The following CEP63 variants were observed in gnomAD, a reference collection of about 807,000 sequenced individuals.
The protein encoded by CEP63 is centrosomal protein of 63 kDa.
CEP63 carries 84 observed loss-of-function variants against 89.1 expected under a neutral mutation model. The ratio of observed to expected loss-of-function variants is 0.94; its 90% confidence interval spans 0.79 to 1.13. The LOEUF (loss-of-function observed/expected upper bound fraction) is 1.13. CEP63 is among the 50% of genes most tolerant of loss of function. The pLI, the probability that CEP63 is intolerant of heterozygous loss-of-function variation, is 0.00. For missense variants in CEP63, 838 were observed against 813.3 expected, an observed-to-expected ratio of 1.03 and a Z score of -0.37; for synonymous variants, 267 against 272.5, an observed-to-expected ratio of 0.98 and a Z score of 0.20.
At chr3:134,734,902 T>C in the CEP63 span, among the ~76,000 whole-genome samples, 1 of 152,182 alleles carries the variant, frequency 6.6e-6, no homozygotes, top group Non-Finnish European at 1.5e-5. Context: ...TCATCAACAT[T>C]GAAAACCTGC....
chr3:134,538,048 G>A (rs976556361), intron 6 of CEP63, among the ~76,000 whole-genome samples: 5 of 152,052 alleles, frequency 3.3e-5, no homozygotes, highest in African/African-American at 1.2e-4. Context: ...AAAAAAATTT[G>A]TGATCATCTG....
chr3:134,651,297 A>G, the CEP63 span: 1 of 1,186,616 alleles, frequency 8.4e-7, no homozygotes, highest in South Asian at 1.6e-5. Context: ...CGCCCGGTGC[A>G]CTTGAAGCGC....
chr3:134,547,627 T>TTTTTTTTTTTTTTTTTTTTTTTTC (rs1953790874), intron 9 of CEP63, among the ~76,000 whole-genome samples, 155 bp downstream of exon 9: 1 of 124,796 alleles, frequency 8.0e-6, no homozygotes, highest in African/African-American at 3.0e-5. Context: ...TTTTTTTTTT[T>TTTTTTTTTTTTTTTTTTTTTTTTC]TTGAGACGGA....
At chr3:134,521,156 G>A (rs377650603) in intron 3 of CEP63, among the ~76,000 whole-genome samples, 2 of 152,050 alleles carry the variant, frequency 1.3e-5, no homozygotes, top group African/African-American at 2.4e-5. Flanking sequence ...AATGACCAGC[G>A]AGCATGTGAA....
chr3:134,487,068 G>A (rs1935800963), intron 1 of CEP63, among the ~76,000 whole-genome samples: 1 of 152,130 alleles, frequency 6.6e-6, no homozygotes, highest in Non-Finnish European at 1.5e-5. Context: ...CCTTATGTCT[G>A]GTTAAACTTA....
intron 12 of CEP63, among the ~76,000 whole-genome samples, chr3:134,556,633 T>G (rs1956244339): frequency 6.6e-6 from 1 of 152,176 alleles, no homozygotes; most frequent in Non-Finnish European, 1.5e-5. Flanking sequence ...TGATTATCTG[T>G]TCATATTTAA....
intron 3 of CEP63, among the ~76,000 whole-genome samples, chr3:134,525,181 A>G (rs1416246799): frequency 6.6e-6 from 1 of 152,120 alleles, no homozygotes; most frequent in African/African-American, 2.4e-5. Flanking sequence ...AGGTGTTTAT[A>G]GTATTCTCTG....
chr3:134,764,949 T>TA, the CEP63 span, among the ~76,000 whole-genome samples: 1 of 152,208 alleles, frequency 6.6e-6, no homozygotes, highest in Non-Finnish European at 1.5e-5. Flanking sequence ...CAGAATCCTT[T>TA]AACGTTTTCA....
chr3:134,672,203 C>T, the CEP63 span, among the ~76,000 whole-genome samples: 1 of 152,194 alleles, frequency 6.6e-6, no homozygotes, highest in African/African-American at 2.4e-5. Context: ...TGTGTCACCT[C>T]TCTGAGTTTT....
chr3:134,565,118 T>A (rs1190491123), downstream of CEP63: 1 of 230,544 alleles, frequency 4.3e-6, no homozygotes, highest in Non-Finnish European at 7.2e-6. Flanking sequence ...GGATTTGTAG[T>A]CTACATCTGG....
the CEP63 span, among the ~76,000 whole-genome samples, chr3:134,636,872 A>G: frequency 6.6e-6 from 1 of 152,192 alleles, no homozygotes; most frequent in Non-Finnish European, 1.5e-5. Flanking sequence ...GCCTATACTT[A>G]GTTACCATTT....
At chr3:134,658,480 G>A in the CEP63 span, among the ~76,000 whole-genome samples, 1 of 152,188 alleles carries the variant, frequency 6.6e-6, no homozygotes, top group South Asian at 2.1e-4. Flanking sequence ...GGGCCAGGGG[G>A]CCAGGTCATG....
At chr3:134,538,566 T>TATATATATATATATATATGTATA (rs1407833955) in intron 6 of CEP63, among the ~76,000 whole-genome samples, 1 of 144,044 alleles carries the variant, frequency 6.9e-6, no homozygotes. Context: ...TATATATATA[T>TATATATATATATATATATGTATA]TTTTTTAACA....
At chr3:134,740,806 C>T in the CEP63 span, among the ~76,000 whole-genome samples, 22 of 152,152 alleles carry the variant, frequency 1.4e-4, no homozygotes, top group African/African-American at 4.1e-4. Context: ...CCTAAAGCAA[C>T]GAGGGCCGAC....
At chr3:134,645,024 G>A in the CEP63 span, among the ~76,000 whole-genome samples, 5 of 152,376 alleles carry the variant, frequency 3.3e-5, no homozygotes, top group Non-Finnish European at 7.3e-5. Context: ...GAGGAAACAA[G>A]ATCCGGGAAG....
At chr3:134,673,143 T>G in the CEP63 span, among the ~76,000 whole-genome samples, 24 of 152,190 alleles carry the variant, frequency 1.6e-4, no homozygotes, top group African/African-American at 5.5e-4. Flanking sequence ...ATTTTGTGCC[T>G]TTGTTCATAC....
At chr3:134,633,944 T>C in the CEP63 span, among the ~76,000 whole-genome samples, 6 of 152,232 alleles carry the variant, frequency 3.9e-5, no homozygotes, top group African/African-American at 1.2e-4. Flanking sequence ...ACATCGATTG[T>C]ATTTCTGTAT....
chr3:134,701,159 T>TTATA, the CEP63 span, among the ~76,000 whole-genome samples: 1 of 150,682 alleles, frequency 6.6e-6, no homozygotes, highest in African/African-American at 2.4e-5. Context: ...CATACATACA[T>TTATA]TATATACATA....
chr3:134,534,933 A>G (rs1264187985), intron 5 of CEP63, among the ~76,000 whole-genome samples: 1 of 151,956 alleles, frequency 6.6e-6, no homozygotes, highest in Non-Finnish European at 1.5e-5. Flanking sequence ...CCACCCACCT[A>G]TCTGCATCTG....
Sources: allele counts gnomAD v4.1 joint callset (sites outside exome capture counted in the v4.1 genomes callset), GRCh38; gene constraint gnomAD v4.1.1; transcripts MANE v1.5; gene names NCBI Gene and HGNC (gene_info 2026-07-23, HGNC 2026-07-21).